BDH2: variants seen among roughly 807,000 people sequenced by gnomAD.
BDH2 encodes 3-hydroxybutyrate dehydrogenase 2.
BDH2 carries 24 observed loss-of-function variants against 33.2 expected under a neutral mutation model. The observed-to-expected ratio is 0.72, with a 90% CI of 0.52 to 1.02. The LOEUF is 1.02. BDH2 is among the 50% of genes least tolerant of loss of function. The pLI is 0.00. For missense variants in BDH2, 249 were observed against 301.6 expected, an observed-to-expected ratio of 0.83 and a Z score of 1.29; for synonymous variants, 81 against 101.6, an observed-to-expected ratio of 0.80 and a Z score of 1.22.
intron 5 of BDH2, among the ~76,000 whole-genome samples, chr4:103,090,325 T>C (rs1748019357): frequency 1.3e-5 from 2 of 152,236 alleles, no homozygotes; most frequent in Non-Finnish European, 2.9e-5. Context: ...TGCTAGTTTA[T>C]AAAATAAAAT....
At chr4:103,095,350 A>G (rs1748350784) in intron 2 of BDH2, 69 bp from the exon 3 acceptor site, 11 of 1,193,398 alleles carry the variant, frequency 9.2e-6, no homozygotes, top group Non-Finnish European at 1.4e-5. Context: ...ATGGAACATC[A>G]TGTGGTCTTT....
intron 9 of BDH2, among the ~76,000 whole-genome samples, chr4:103,080,378 T>A (rs1747448448): frequency 6.6e-6 from 1 of 152,198 alleles, no homozygotes; most frequent in Non-Finnish European, 1.5e-5. Flanking sequence ...TAATTACTGG[T>A]TTATTCCCAT....
At chr4:103,082,494 G>A (rs2110695379) in intron 8 of BDH2, among the ~76,000 whole-genome samples, 1 of 152,142 alleles carries the variant, frequency 6.6e-6, no homozygotes, top group East Asian at 1.9e-4. Context: ...AATAGTGTTA[G>A]GTACATTCAC....
intron 7 of BDH2, among the ~76,000 whole-genome samples, chr4:103,085,017 T>C (rs1319671854): frequency 6.6e-6 from 1 of 152,218 alleles, no homozygotes; most frequent in Admixed American, 6.5e-5. Context: ...TACCTTAAGT[T>C]CCTTTTAGAT....
intron 8 of BDH2, among the ~76,000 whole-genome samples, chr4:103,082,664 C>T (rs981222850): frequency 6.6e-6 from 1 of 152,050 alleles, no homozygotes; most frequent in Non-Finnish European, 1.5e-5. Flanking sequence ...TCAAGCGATC[C>T]CCCAGCCTCA....
intron 2 of BDH2, 77 bp from the exon 3 acceptor site, chr4:103,095,358 T>A: frequency 9.4e-7 from 1 of 1,065,834 alleles, no homozygotes; most frequent in Non-Finnish European, 1.4e-6. Context: ...TCATGTGGTC[T>A]TTTTCTCCTT....
intron 5 of BDH2, among the ~76,000 whole-genome samples, chr4:103,089,462 A>AT (rs11311715): frequency 6.6e-5 from 10 of 151,698 alleles, no homozygotes; most frequent in Non-Finnish European, 1.0e-4. Flanking sequence ...ATCTCTTGGG[A>AT]TTTTTTTTTA....
chr4:103,096,531 A>ATTTTTT (rs70941651), intron 1 of BDH2, among the ~76,000 whole-genome samples: 5 of 114,244 alleles, frequency 4.4e-5, no homozygotes, highest in African/African-American at 1.7e-4. Flanking sequence ...GACATTGGCC[A>ATTTTTT]TTTTTTTTTT....
intron 4 of BDH2, chr4:103,091,832 C>A: frequency 2.2e-6 from 1 of 446,000 alleles, no homozygotes; most frequent in Non-Finnish European, 4.5e-6. Flanking sequence ...TCAGGTGGCA[C>A]AGATTTAGAA....
chr4:103,098,024 A>G (rs1316660214), intron 1 of BDH2, among the ~76,000 whole-genome samples: 1 of 152,142 alleles, frequency 6.6e-6, no homozygotes, highest in Non-Finnish European at 1.5e-5. Context: ...CACATGGTGA[A>G]GGGCAAGTTA....
chr4:103,098,148 T>A (rs1323547765), intron 1 of BDH2, among the ~76,000 whole-genome samples: 1 of 151,980 alleles, frequency 6.6e-6, no homozygotes, highest in Non-Finnish European at 1.5e-5. Flanking sequence ...TGGGGTGCCA[T>A]TAGGAGGCTG....
rs1747340845 is a variant in BDH2 at position 103,078,384 on chromosome 4, G to C, written c.*1318C>G. ...CTCTTTTCTGTTATCCTGGAGTTTGGTGAAGAAATCTGTACTTAATTTAGA... is the reference window on the plus strand; with the variant it reads ...CTCTTTTCTGTTATCCTGGAGTTTGCTGAAGAAATCTGTACTTAATTTAGA... On this transcript the variant is annotated 3_prime_UTR_variant, in exon 10 of 10. Coordinates refer to ENST00000296424, the MANE Select transcript of BDH2 (RefSeq NM_020139.4). Among the ~76,000 whole-genome samples, 1 of 152,020 alleles carries C rather than the reference G, an allele frequency of 6.6e-6. No individual in the cohort carries two copies. The highest frequency in any genetic ancestry group is 1.5e-5 in the Non-Finnish European group (1 of 67,992).
intron 4 of BDH2, 58 bp downstream of exon 4, chr4:103,092,541 GA>G: frequency 1.7e-6 from 2 of 1,189,294 alleles, no homozygotes; most frequent in Non-Finnish European, 2.5e-6. Flanking sequence ...AAAATTCTTT[GA>G]ATGAAAGTCA....
chr4:103,085,776 T>G, intron 6 of BDH2: 1 of 1,328,030 alleles, frequency 7.5e-7, no homozygotes, highest in Non-Finnish European at 9.8e-7. Context: ...TGAAGATTAA[T>G]AACAAAACAA....
intron 9 of BDH2, 147 bp downstream of exon 9, chr4:103,081,934 A>G (rs1483761869): frequency 6.6e-6 from 4 of 602,098 alleles, no homozygotes; most frequent in East Asian, 5.6e-5. Flanking sequence ...CTTTGAGCAA[A>G]TTAAATGAGA....
intron 8 of BDH2, among the ~76,000 whole-genome samples, chr4:103,082,662 T>TCC (rs1747578950): frequency 6.6e-6 from 1 of 152,026 alleles, no homozygotes; most frequent in African/African-American, 2.4e-5. Flanking sequence ...GCTCAAGCGA[T>TCC]CCCCCAGCCT....
chr4:103,083,883 T>C (rs1056995809), intron 7 of BDH2, among the ~76,000 whole-genome samples: 3 of 152,194 alleles, frequency 2.0e-5, no homozygotes, highest in African/African-American at 7.2e-5. Flanking sequence ...CTGACTCCAT[T>C]TTGGAACCCC....
intron 3 of BDH2, among the ~76,000 whole-genome samples, chr4:103,094,513 C>G (rs921398925): frequency 2.0e-5 from 3 of 152,012 alleles, no homozygotes; most frequent in African/African-American, 7.2e-5. Flanking sequence ...AGGTATTTTA[C>G]AACATATATG....
At chr4:103,096,320 T>C in intron 1 of BDH2, 46 bp from the exon 2 acceptor site, 1 of 1,259,690 alleles carries the variant, frequency 7.9e-7, no homozygotes, top group Non-Finnish European at 1.2e-6. Context: ...AACATGATCT[T>C]GAGCAGGCAG....
Sources: allele counts gnomAD v4.1 joint callset (sites outside exome capture counted in the v4.1 genomes callset), GRCh38; gene constraint gnomAD v4.1.1; transcripts MANE v1.5; gene names NCBI Gene and HGNC (gene_info 2026-07-23, HGNC 2026-07-21).